The following REPS2 variants were observed in gnomAD, a reference collection of about 807,000 sequenced individuals.
The protein encoded by REPS2 is ralBP1-associated Eps domain-containing protein 2.
REPS2 carries 23 observed loss-of-function variants against 53.6 expected under a neutral mutation model. That is an observed-to-expected ratio of 0.43 (90% CI 0.31 to 0.61). The LOEUF is 0.61. Ranked by LOEUF, REPS2 falls within the 20% of genes least tolerant of loss-of-function variation. The pLI, the probability that REPS2 is intolerant of heterozygous loss-of-function variation, is 0.11. For synonymous variants in REPS2, 238 were observed against 218.6 expected, an observed-to-expected ratio of 1.09 and a Z score of -0.78; for missense variants, 446 against 534.9, an observed-to-expected ratio of 0.83 and a Z score of 1.64.
At chrX:17,133,751 T>C in intron 14 of REPS2, 73 bp from the exon 15 acceptor site, 1 of 911,671 alleles carries the variant, frequency 1.1e-6, no homozygotes, top group Non-Finnish European at 1.6e-6. Flanking sequence ...ACTATCTTCC[T>C]AAGTGCTCTT....
At chrX:17,123,530 GCCCATTATAGTCACTGGTA>G (rs1357586872) in intron 14 of REPS2, among the ~76,000 whole-genome samples, 1 of 112,169 alleles carries the variant, frequency 8.9e-6, no homozygotes, top group African/African-American at 3.2e-5. Context: ...GCAACTAGTT[GCCCATTATAGTCACTGGTA>G]CCCACTTTCA....
In REPS2 at chrX:17,150,770, A is replaced by G. The variant is rs913413609; in HGVS notation, c.*3289A>G. ...ACAGTTCCTGGCCCAAAAAATCCAT[A>G]GAAAGAGGTAACTAGTGGCAGATTT... On this transcript the variant is annotated 3_prime_UTR_variant, in exon 18 of 18. Coordinates refer to ENST00000357277, the MANE Select transcript of REPS2 (RefSeq NM_004726.3). The G allele has an allele frequency of 6.2e-5, 7 of 112,097 alleles. No individual in the cohort carries two copies. The highest frequency in any genetic ancestry group is 9.7e-5 in the African/African-American group (3 of 30,785). 9.2% of individuals were successfully genotyped at this position (112,097 alleles called of 1,213,427 possible).
chrX:17,160,784 A>G, the REPS2 span, among the ~76,000 whole-genome samples: 1 of 112,364 alleles, frequency 8.9e-6, no homozygotes, highest in African/African-American at 3.2e-5. Context: ...CTTGAAACCT[A>G]ATGGAGTTTG....
At chrX:16,948,901 C>T (rs2060473422) in intron 1 of REPS2, among the ~76,000 whole-genome samples, 1 of 112,230 alleles carries the variant, frequency 8.9e-6, no homozygotes, top group African/African-American at 3.2e-5. Flanking sequence ...CTCCCTTATT[C>T]AGCCTAGCAA....
chrX:17,138,566 A>AT (rs1391643492), intron 16 of REPS2: 1 of 184,561 alleles, frequency 5.4e-6, no homozygotes, highest in African/African-American at 3.0e-5. Context: ...AGAAATACTT[A>AT]TTAAAATGTC....
chrX:17,050,186 C>CTTTCT (rs2061972387), intron 6 of REPS2, among the ~76,000 whole-genome samples: 1 of 51,976 alleles, frequency 1.9e-5, no homozygotes, highest in Non-Finnish European at 3.2e-5. Flanking sequence ...TTCTTTCTTT[C>CTTTCT]TTTCTTTCTT....
intron 1 of REPS2, among the ~76,000 whole-genome samples, chrX:16,993,069 C>G (rs905447300): frequency 8.9e-6 from 1 of 111,872 alleles, no homozygotes; most frequent in South Asian, 3.7e-4. Flanking sequence ...ATAAGAGATC[C>G]AAGGGGCCTG....
intron 13 of REPS2, among the ~76,000 whole-genome samples, chrX:17,082,433 GT>G (rs952621533): frequency 2.2e-4 from 24 of 111,056 alleles, no homozygotes; most frequent in Non-Finnish European, 4.0e-4. Flanking sequence ...ATGGTCAGTT[GT>G]TTTTTTTTAA....
At chrX:17,038,258 A>G (rs781770108) in intron 5 of REPS2, among the ~76,000 whole-genome samples, 2 of 112,787 alleles carry the variant, frequency 1.8e-5, no homozygotes, top group South Asian at 7.3e-4. Flanking sequence ...AATCCAGCCT[A>G]TAGCTAGAAA....
Position 17,022,225 on chromosome X carries a change from C to T in REPS2, c.500C>T (p.Thr167Ile). The T allele has an allele frequency of 1.7e-6, 2 of 1,209,360 alleles. No individual in the cohort carries two copies. Among genetic ancestry groups the T allele is most frequent in the Non-Finnish European group, 1.1e-6 (1 of 893,509 alleles). ...HGTKVQIPYLTTEKNSFKRMD... is the reference protein window; with the variant it reads ...HGTKVQIPYLITEKNSFKRMD... ...ACTAAGGTTCAGATTCCATATTTAA[C>T]TACAGAAAAAAATTCCTTCAAAAGA... Residue 167 changes from threonine to isoleucine, a missense_variant, in exon 3 of 18, where the codon ACT becomes ATT. Thr to Ile is a moderately conservative substitution (Grantham distance 89). Transcript: ENST00000357277.
intron 1 of REPS2, among the ~76,000 whole-genome samples, chrX:16,949,985 A>G (rs746518048): frequency 9.0e-6 from 1 of 111,250 alleles, no homozygotes; most frequent in Non-Finnish European, 1.9e-5. Context: ...GTAGTATCAT[A>G]CAGAATAGTT....
chrX:17,095,402 C>T (rs5969735), intron 13 of REPS2, among the ~76,000 whole-genome samples: 7,346 of 111,507 alleles, frequency 0.066, 427 homozygotes, highest in East Asian at 0.21. Flanking sequence ...CTCATGCCTT[C>T]ATCTGGGCCT....
chrX:17,133,309 G>C (rs780013749), intron 14 of REPS2, among the ~76,000 whole-genome samples: 95 of 111,592 alleles, frequency 8.5e-4, no homozygotes, highest in Non-Finnish European at 1.1e-3. Context: ...GACTGCAGTG[G>C]AATGTAGGTG....
At chrX:17,145,024 T>C (rs767723089) in intron 17 of REPS2, among the ~76,000 whole-genome samples, 2 of 112,089 alleles carry the variant, frequency 1.8e-5, no homozygotes, top group East Asian at 5.6e-4. Context: ...GGAATAGACA[T>C]ACTCAGCAGC....
At chrX:17,162,253 G>T in the REPS2 span, among the ~76,000 whole-genome samples, 2 of 112,522 alleles carry the variant, frequency 1.8e-5, no homozygotes, top group African/African-American at 6.5e-5. Context: ...CTCATCCAGT[G>T]TGAACTGCCT....
intron 7 of REPS2, among the ~76,000 whole-genome samples, chrX:17,053,393 T>G (rs1342781133): frequency 8.9e-6 from 1 of 111,757 alleles, no homozygotes; most frequent in Non-Finnish European, 1.9e-5. Flanking sequence ...GTTTGTTTTT[T>G]TGGAGATGAG....
the REPS2 span, among the ~76,000 whole-genome samples, chrX:17,163,599 T>C: frequency 8.9e-6 from 1 of 111,901 alleles, no homozygotes; most frequent in Non-Finnish European, 1.9e-5. Context: ...GCTCATCACG[T>C]ACAAGGGATG....
At chrX:17,191,253 TC>T in the REPS2 span, among the ~76,000 whole-genome samples, 212 of 111,415 alleles carry the variant, frequency 1.9e-3, no homozygotes, top group Middle Eastern at 4.6e-3. Flanking sequence ...CTCTCCAAAT[TC>T]AGCAATAAGA....
chrX:17,144,249 A>G (rs747398598), intron 17 of REPS2, among the ~76,000 whole-genome samples: 41 of 112,595 alleles, frequency 3.6e-4, no homozygotes, highest in Non-Finnish European at 7.3e-4. Flanking sequence ...CTTGTCCTCA[A>G]CTGTGCTTGT....
Sources: gnomAD v4.1 joint callset for allele counts (sites outside exome capture counted in the v4.1 genomes callset) on GRCh38, gnomAD v4.1.1 for gene constraint, MANE v1.5 for transcripts, NCBI Gene and HGNC (gene_info 2026-07-23, HGNC 2026-07-21) for gene names.